Variants in ATP2A2 observed in about 807,000 individuals in gnomAD.
ATP2A2 encodes the protein ATPase sarcoplasmic/endoplasmic reticulum Ca2+ transporting 2.
ATP2A2 carries 14 observed loss-of-function variants against 109.3 expected under a neutral mutation model. The ratio of observed to expected loss-of-function variants is 0.13; its 90% CI spans 0.08 to 0.20. The LOEUF (loss-of-function observed/expected upper bound fraction) is 0.20, where lower values mean the gene tolerates loss of function less well. Ranked by LOEUF, ATP2A2 falls within the 10% of genes least tolerant of loss-of-function variation. The pLI is 1.00. For missense variants in ATP2A2, 657 were observed against 1,321.6 expected, an observed-to-expected ratio of 0.50 and a Z score of 7.80; for synonymous variants, 506 against 490.9, an observed-to-expected ratio of 1.03 and a Z score of -0.41.
intron 5 of ATP2A2, among the ~76,000 whole-genome samples, chr12:110,314,259 C>T (rs958180099): frequency 1.3e-5 from 2 of 150,010 alleles, no homozygotes; most frequent in Non-Finnish European, 3.0e-5. Flanking sequence ...ACCCAGGAGG[C>T]AGAGTTTGTG....
Position 110,350,403 on chromosome 12 carries a change from T to TG in ATP2A2, c.*3937dup, listed in dbSNP as rs1880293084. ...TACCAACCCTGTGCATGACTGATGT[T>TG]GGGGAAAAAGAAAAGTAAAAAACTT... On this transcript the variant is annotated 3_prime_UTR_variant, in exon 20 of 20. Coordinates refer to ENST00000539276, the MANE Select transcript of ATP2A2 (RefSeq NM_170665.4). 1.3e-5 allele frequency: 20 copies of TG among 1,596,938 alleles called. No individual in the cohort carries two copies. Among genetic ancestry groups the TG allele is most frequent in the Non-Finnish European group, 1.7e-5 (20 of 1,165,910 alleles).
intron 5 of ATP2A2, among the ~76,000 whole-genome samples, chr12:110,319,780 A>G (rs3026465): frequency 0.13 from 20,181 of 151,714 alleles, 1,743 homozygotes; most frequent in East Asian, 0.25. Flanking sequence ...TACTAAATAC[A>G]GTGTGTATAT....
intron 3 of ATP2A2, among the ~76,000 whole-genome samples, chr12:110,286,077 C>T (rs1311153167): frequency 6.6e-6 from 1 of 152,108 alleles, no homozygotes; most frequent in African/African-American, 2.4e-5. Context: ...ATGTCCACCA[C>T]CACGCCCGGC....
chr12:110,303,698 G>A (rs957165334), intron 5 of ATP2A2, among the ~76,000 whole-genome samples: 2 of 152,006 alleles, frequency 1.3e-5, no homozygotes, highest in African/African-American at 4.8e-5. Flanking sequence ...ACAGGCATGA[G>A]CCACCGCGCC....
At chr12:110,300,456 G>A (rs1226789860) in intron 5 of ATP2A2, among the ~76,000 whole-genome samples, 1 of 146,652 alleles carries the variant, frequency 6.8e-6, no homozygotes, top group African/African-American at 2.5e-5. Flanking sequence ...CCAGGTTTAC[G>A]CCATTCTCCT....
At chr12:110,311,069 T>C (rs1566216875) in intron 5 of ATP2A2, among the ~76,000 whole-genome samples, 3 of 152,220 alleles carry the variant, frequency 2.0e-5, no homozygotes, top group Non-Finnish European at 4.4e-5. Context: ...GTGATTTAGA[T>C]AGTATGGCCA....
At chr12:110,292,920 T>A in intron 4 of ATP2A2, among the ~76,000 whole-genome samples, 1 of 152,346 alleles carries the variant, frequency 6.6e-6, no homozygotes, top group Admixed American at 6.5e-5. Context: ...AAAAGCTACA[T>A]GTCATTTTTA....
intron 14 of ATP2A2, among the ~76,000 whole-genome samples, chr12:110,341,262 G>T (rs997293947): frequency 3.9e-5 from 6 of 151,994 alleles, no homozygotes; most frequent in Non-Finnish European, 8.8e-5. Context: ...TAAATGAGAC[G>T]TGTTTTTATT....
At chr12:110,294,387 T>A (rs986454167) in intron 4 of ATP2A2, among the ~76,000 whole-genome samples, 12 of 152,164 alleles carry the variant, frequency 7.9e-5, no homozygotes, top group Admixed American at 7.2e-4. Flanking sequence ...GGTCAGGGCA[T>A]GGTAGCTCAT....
intron 14 of ATP2A2, among the ~76,000 whole-genome samples, chr12:110,341,971 TTTG>T (rs1490425942): frequency 2.0e-5 from 3 of 152,242 alleles, no homozygotes; most frequent in Non-Finnish European, 4.4e-5. Flanking sequence ...AGGTTGTGTT[TTTG>T]TTTTTAGTAA....
intron 5 of ATP2A2, among the ~76,000 whole-genome samples, chr12:110,307,545 T>C (rs1461310733): frequency 6.6e-6 from 1 of 152,162 alleles, no homozygotes; most frequent in Non-Finnish European, 1.5e-5. Context: ...TAATAGTCAC[T>C]CTGACTGGTG....
rs1005555541 is a variant in ATP2A2 at position 110,346,375 on chromosome 12, G to C, written c.3034G>C (p.Asp1012His). ...ATCCTGCTCGTTCTCGGCATGCACCGATGGGATTTCCTGGCCGTTTGTGCT... is the reference window on the plus strand; with the variant it reads ...ATCCTGCTCGTTCTCGGCATGCACCCATGGGATTTCCTGGCCGTTTGTGCT... ...TKSCSFSACT[D>H]GISWPFVLLI... Residue 1012 changes from aspartate (D) to histidine (H), a missense_variant, in exon 20 of 20, where the codon GAT becomes CAT. Transcript: ENST00000539276. 1.2e-6 allele frequency: 2 copies of C among 1,614,160 alleles called. No homozygotes were observed. The highest frequency in any genetic ancestry group is 1.1e-5 in the South Asian group (1 of 91,088).
At chr12:110,284,498 T>A (rs1474517764) in intron 3 of ATP2A2, among the ~76,000 whole-genome samples, 1 of 152,190 alleles carries the variant, frequency 6.6e-6, no homozygotes, top group Non-Finnish European at 1.5e-5. Context: ...TTGCACTGGG[T>A]CTGTTTTTTG....
At chr12:110,299,589 G>A (rs528783010) in intron 5 of ATP2A2, among the ~76,000 whole-genome samples, 1 of 152,118 alleles carries the variant, frequency 6.6e-6, no homozygotes, top group Non-Finnish European at 1.5e-5. Context: ...TTCAAAGAGT[G>A]AGCCTCTGAC....
Position 110,349,821 on chromosome 12 carries a change from G to C in ATP2A2, c.*3351G>C. 1 of 1,041,834 alleles carries C rather than the reference G, an allele frequency of 9.6e-7. No individual in the cohort carries two copies. Among genetic ancestry groups the C allele is most frequent in the Non-Finnish European group, 1.2e-6 (1 of 863,696 alleles). The allele number at this position is 1,041,834 out of a possible 1,614,324, so 64.5% of individuals were successfully genotyped here. On this transcript the variant is annotated 3_prime_UTR_variant, in exon 20 of 20. Transcript: ENST00000539276. ...GGTAGGCTTCACCCTCCTTTACTGAGGAGAATGATGCGGAGGAGTTTCCTC... is the reference window on the plus strand; with the variant it reads ...GGTAGGCTTCACCCTCCTTTACTGACGAGAATGATGCGGAGGAGTTTCCTC...
chr12:110,310,085 C>T (rs1190437875), intron 5 of ATP2A2, among the ~76,000 whole-genome samples: 1 of 151,970 alleles, frequency 6.6e-6, no homozygotes, highest in Non-Finnish European at 1.5e-5. Context: ...TCTGTATTAT[C>T]TGCTGACATG....
chr12:110,333,983 TCTA>T, intron 10 of ATP2A2, 26 bp from the exon 11 acceptor site: 1 of 1,613,988 alleles, frequency 6.2e-7, no homozygotes, highest in Non-Finnish European at 8.5e-7. Flanking sequence ...CTCCCTTTTT[TCTA>T]CTTTCTGTGC....
intron 6 of ATP2A2, 117 bp downstream of exon 6, chr12:110,323,189 A>T (rs371151270): frequency 1.9e-5 from 16 of 845,318 alleles, no homozygotes; most frequent in South Asian, 1.6e-4. Context: ...CCTCTCTAAG[A>T]TACTTATTTC....
chr12:110,301,700 T>TAA (rs149472674), intron 5 of ATP2A2, among the ~76,000 whole-genome samples: 2 of 152,210 alleles, frequency 1.3e-5, no homozygotes, highest in African/African-American at 4.8e-5. Context: ...ATTCATCTGC[T>TAA]AAAAAACCCT....
Sources: gnomAD v4.1 joint callset for allele counts (sites outside exome capture counted in the v4.1 genomes callset) on GRCh38, gnomAD v4.1.1 for gene constraint, MANE v1.5 for transcripts, NCBI Gene and HGNC (gene_info 2026-07-23, HGNC 2026-07-21) for gene names.